Variants in ANK1 observed in about 807,000 individuals in gnomAD.
The protein encoded by ANK1 is ankyrin-1.
A neutral mutation model predicts 210.4 loss-of-function variants in ANK1; 51 were observed. That is an observed-to-expected ratio of 0.24 (90% CI 0.19 to 0.31). The LOEUF (loss-of-function observed/expected upper bound fraction) is 0.31. Ranked by LOEUF, ANK1 falls within the 10% of genes least tolerant of loss-of-function variation. The pLI is 1.00. For missense variants in ANK1, 2,051 were observed against 2,504.4 expected (o/e 0.82, Z 3.86); for synonymous variants, 967 against 1,025.9 (o/e 0.94, Z 1.10).
Position 41,693,175 on chromosome 8 carries a change from C to T in ANK1, c.3559G>A (p.Asp1187Asn). ...ACAAGTTTGGTGGTTCCTGTTATGT[C>T]TTCCCACTGGGCTTGGTCTGTTCCT... The part of the protein sequence containing the change: ...IGGTDQAQWE[D>N]ITGTTKLVYA... Residue 1187 changes from aspartate (D) to asparagine (N), a missense_variant, in exon 30 of 43, where the codon GAC (aspartate) becomes AAC (asparagine). Coordinates refer to ENST00000289734, the MANE Select transcript of ANK1 (RefSeq NM_000037.4). The T allele has an allele frequency of 6.2e-7, 1 of 1,613,316 alleles. No homozygotes were observed. The highest frequency in any genetic ancestry group is 8.5e-7 in the Non-Finnish European group (1 of 1,179,242).
chr8:41,841,907 C>T (rs1256614141), intron 1 of ANK1, among the ~76,000 whole-genome samples: 2 of 152,220 alleles, frequency 1.3e-5, no homozygotes, highest in Non-Finnish European at 2.9e-5. Flanking sequence ...TGTCACCTGC[C>T]GTGGGGACTC....
At position 41,715,089 on chromosome 8, in the gene ANK1, G is replaced by T; in HGVS notation, c.1603-15C>A. 1 of 1,613,526 alleles carries T rather than the reference G, an allele frequency of 6.2e-7. No homozygotes were observed. Among genetic ancestry groups the T allele is most frequent in the South Asian group, 1.1e-5 (1 of 91,060 alleles). On this transcript the variant is annotated splice_polypyrimidine_tract_variant and intron_variant, in intron 14 of 42. Coordinates refer to ENST00000289734, the MANE Select transcript of ANK1 (RefSeq NM_000037.4). ...GTAAATCCTTTCTGAGGAGAAACAG[G>T]CTGTCAGGACCTTGGGGCCCCAGGG...
At chr8:41,657,795 C>T (rs994789419) in intron 42 of ANK1, among the ~76,000 whole-genome samples, 8 of 152,258 alleles carry the variant, frequency 5.3e-5, no homozygotes. Context: ...GGCCACCTCA[C>T]TCTGCCCAGG....
At chr8:41,662,694 T>C (rs1391034295) in intron 40 of ANK1, among the ~76,000 whole-genome samples, 1 of 152,214 alleles carries the variant, frequency 6.6e-6, no homozygotes, top group Non-Finnish European at 1.5e-5. Context: ...AGTGAGACAC[T>C]GTCCCTGCCT....
intron 1 of ANK1, among the ~76,000 whole-genome samples, chr8:41,767,429 C>T (rs929402617): frequency 6.6e-6 from 1 of 151,918 alleles, no homozygotes. Context: ...CTCCCCCTCC[C>T]GGTTATCTGC....
intron 16 of ANK1, among the ~76,000 whole-genome samples, chr8:41,709,876 C>A (rs955146126): frequency 1.3e-5 from 2 of 152,180 alleles, no homozygotes; most frequent in East Asian, 3.8e-4. Flanking sequence ...CTGCAGTGAG[C>A]TCTGATCGTA....
Position 41,679,558 on chromosome 8 carries a change from CTTTTTTTTTTTT to C in ANK1, c.4537+4974_4537+4985del, listed in dbSNP as rs869249907. Among the ~76,000 whole-genome samples the C allele has an allele frequency of 3.3e-5, 3 of 90,242 alleles. No homozygotes were observed. The South Asian group carries it at 1.4e-3, about 41-fold the overall frequency. The allele number at this position is 90,242 out of a possible 152,430, so 59.2% of individuals were successfully genotyped here. A position where few individuals can be genotyped will look rare whatever the true frequency, so the allele number is the denominator to read the frequency against. ...AGCTGTCTTGGTCTTCCTGGACTTT[CTTTTTTTTTTTT>C]TTTTTTTTTTGAGACAGAGTCTCAC... On this transcript the variant is annotated intron_variant, in intron 37 of 42. Transcript: ENST00000289734.
chr8:41,747,006 C>T (rs1836354493), intron 2 of ANK1, among the ~76,000 whole-genome samples: 1 of 152,090 alleles, frequency 6.6e-6, no homozygotes, highest in Non-Finnish European at 1.5e-5. Context: ...CAAAACTGCT[C>T]TGAGCTTCCA....
At chr8:41,666,806 G>A (rs567193762) in intron 39 of ANK1, among the ~76,000 whole-genome samples, 206 of 152,358 alleles carry the variant, frequency 1.4e-3, no homozygotes, top group African/African-American at 4.7e-3. Context: ...CATGCTGGAC[G>A]TGAGGATGTA....
At chr8:41,847,239 C>T (rs1486697360) in intron 1 of ANK1, among the ~76,000 whole-genome samples, 2 of 152,222 alleles carry the variant, frequency 1.3e-5, no homozygotes, top group Non-Finnish European at 2.9e-5. Flanking sequence ...GCTGGCTTTC[C>T]AGGCGGCTGT....
intron 6 of ANK1, among the ~76,000 whole-genome samples, chr8:41,725,122 TC>T (rs1214774090): frequency 1.1e-4 from 16 of 152,276 alleles, no homozygotes; most frequent in Middle Eastern, 3.4e-3. Context: ...TCAACCTCCG[TC>T]CATTGTCATC....
intron 1 of ANK1, among the ~76,000 whole-genome samples, chr8:41,889,001 T>A (rs771243704): frequency 1.3e-5 from 2 of 152,150 alleles, no homozygotes; most frequent in African/African-American, 4.8e-5. Flanking sequence ...AGGAAAACTA[T>A]CTTCAGTTTT....
chr8:41,745,367 A>T (rs1484014429), intron 2 of ANK1, among the ~76,000 whole-genome samples: 1 of 152,198 alleles, frequency 6.6e-6, no homozygotes, highest in Non-Finnish European at 1.5e-5. Context: ...CTGTCTGGGG[A>T]TGTGCCGAAT....
intron 2 of ANK1, among the ~76,000 whole-genome samples, chr8:41,752,805 C>CCCCG (rs1554597046): frequency 1.3e-5 from 2 of 151,632 alleles, no homozygotes; most frequent in South Asian, 4.2e-4. Context: ...CAGGCCCCCC[C>CCCCG]CCACTGCACC....
intron 2 of ANK1, among the ~76,000 whole-genome samples, chr8:41,746,793 G>T (rs1235487124): frequency 1.3e-5 from 2 of 150,646 alleles, no homozygotes; most frequent in Non-Finnish European, 2.9e-5. Context: ...ATGGGACTCT[G>T]AAATGCAGTT....
At chr8:41,780,560 C>T (rs375137944) in intron 1 of ANK1, among the ~76,000 whole-genome samples, 43 of 152,338 alleles carry the variant, frequency 2.8e-4, no homozygotes, top group African/African-American at 1.0e-3. Flanking sequence ...TTCTTCCTTC[C>T]TAAATGGGCC....
intron 1 of ANK1, among the ~76,000 whole-genome samples, chr8:41,850,967 A>G (rs961710124): frequency 6.6e-5 from 10 of 152,220 alleles, no homozygotes; most frequent in Non-Finnish European, 1.2e-4. Flanking sequence ...AGTCAACACC[A>G]GGTGGGTGTC....
intron 1 of ANK1, among the ~76,000 whole-genome samples, chr8:41,768,047 T>C (rs559175629): frequency 6.6e-6 from 1 of 152,324 alleles, no homozygotes; most frequent in South Asian, 2.1e-4. Flanking sequence ...GCTCTGACGC[T>C]GGCGGTTAAC....
At chr8:41,679,868 T>A (rs1410034950) in intron 37 of ANK1, among the ~76,000 whole-genome samples, 1 of 152,156 alleles carries the variant, frequency 6.6e-6, no homozygotes, top group Non-Finnish European at 1.5e-5. Flanking sequence ...CCGGCCTTCC[T>A]GGACTTTCAA....
Sources: gnomAD v4.1 joint callset for allele counts (sites outside exome capture counted in the v4.1 genomes callset) on GRCh38, gnomAD v4.1.1 for gene constraint, MANE v1.5 for transcripts, NCBI Gene and HGNC (gene_info 2026-07-23, HGNC 2026-07-21) for gene names.